Variants in SARNP observed in about 807,000 individuals in gnomAD.
The protein encoded by SARNP is SAP domain-containing ribonucleoprotein.
SARNP carries 5 observed loss-of-function variants against 38.1 expected under a neutral mutation model. That is an observed-to-expected ratio of 0.13 (90% CI 0.07 to 0.28). The LOEUF is 0.28. Among genes scored for constraint, SARNP ranks in the 10% least tolerant of loss-of-function variants. The probability of loss-of-function intolerance (pLI) is 1.00; values close to 1 mark genes in which losing one functional copy is unlikely to be tolerated. For synonymous variants in SARNP, 84 were observed against 80.6 expected (o/e 1.04, Z -0.23); for missense variants, 180 against 243.9 (o/e 0.74, Z 1.75).
At chr12:55,813,485 G>T (rs1049109970) in intron 1 of SARNP, among the ~76,000 whole-genome samples, 2 of 151,960 alleles carry the variant, frequency 1.3e-5, no homozygotes, top group Admixed American at 1.3e-4. Context: ...GAGGTAAGAG[G>T]GAGAAGCAGT....
chr12:55,774,982 G>A (rs538996211), intron 9 of SARNP, among the ~76,000 whole-genome samples: 1 of 149,672 alleles, frequency 6.7e-6, no homozygotes, highest in Admixed American at 6.7e-5. Context: ...CACCTCCCAG[G>A]TTTAAGCCAT....
intron 9 of SARNP, 52 bp from the exon 10 acceptor site, chr12:55,760,692 G>C (rs1878648767): frequency 1.7e-6 from 2 of 1,208,354 alleles, no homozygotes; most frequent in African/African-American, 3.0e-5. Context: ...CATTCACCAA[G>C]TAAATGGGAA....
At chr12:55,780,237 G>A (rs956161837) in intron 9 of SARNP, among the ~76,000 whole-genome samples, 2 of 152,116 alleles carry the variant, frequency 1.3e-5, no homozygotes, top group African/African-American at 2.4e-5. Context: ...TAGATCACAA[G>A]GTCAGGAGTT....
At chr12:55,798,524 G>C (rs1398599400) in intron 4 of SARNP, among the ~76,000 whole-genome samples, 1 of 152,008 alleles carries the variant, frequency 6.6e-6, no homozygotes, top group Non-Finnish European at 1.5e-5. Context: ...AGGGATATTT[G>C]ACAAAAATCT....
intron 9 of SARNP, among the ~76,000 whole-genome samples, chr12:55,764,768 G>T (rs937339943): frequency 6.7e-6 from 1 of 148,264 alleles, no homozygotes; most frequent in Admixed American, 6.8e-5. Context: ...AGAGGCGGAG[G>T]TTGCAGGGAG....
At chr12:55,807,362 T>C (rs1186142304) in intron 1 of SARNP, among the ~76,000 whole-genome samples, 4 of 152,156 alleles carry the variant, frequency 2.6e-5, no homozygotes, top group Non-Finnish European at 4.4e-5. Flanking sequence ...ATAAGTGATC[T>C]TTAATGTCCA....
At chr12:55,813,383 T>G (rs776322572) in intron 1 of SARNP, among the ~76,000 whole-genome samples, 34 of 152,062 alleles carry the variant, frequency 2.2e-4, no homozygotes, top group Non-Finnish European at 4.6e-4. Flanking sequence ...GGTGTAGTAA[T>G]TAATTAGATA....
At chr12:55,793,783 T>C (rs1879743274) in intron 7 of SARNP, 1 of 152,706 alleles carries the variant, frequency 6.5e-6, no homozygotes, top group African/African-American at 2.4e-5. Flanking sequence ...CTTTTTTCAT[T>C]AATATCTCTG....
At chr12:55,792,481 C>T (rs1399451832) in intron 7 of SARNP, 2 of 152,208 alleles carry the variant, frequency 1.3e-5, no homozygotes, top group Non-Finnish European at 1.5e-5. Context: ...AAGCACTTCT[C>T]CTGCCTCAGC....
intron 1 of SARNP, among the ~76,000 whole-genome samples, chr12:55,806,814 A>G (rs974947830): frequency 2.0e-5 from 3 of 152,250 alleles, no homozygotes; most frequent in Non-Finnish European, 4.4e-5. Context: ...TTGGGATTAC[A>G]GGCATGAGCC....
At chr12:55,793,592 C>G (rs1879736303) in intron 7 of SARNP, 1 of 150,972 alleles carries the variant, frequency 6.6e-6, no homozygotes, top group Admixed American at 6.6e-5. Flanking sequence ...TTATGGTGAA[C>G]CCTCAGATAC....
chr12:55,768,993 AG>A (rs1358486790), intron 9 of SARNP, among the ~76,000 whole-genome samples: 3 of 152,226 alleles, frequency 2.0e-5, no homozygotes, highest in Non-Finnish European at 4.4e-5. Flanking sequence ...CTGGGATTAC[AG>A]GTGTGAGCCA....
intron 4 of SARNP, 54 bp from the exon 5 acceptor site, chr12:55,796,130 C>T: frequency 7.9e-7 from 1 of 1,260,310 alleles, no homozygotes; most frequent in South Asian, 1.2e-5. Context: ...TAAACCACAA[C>T]CTCAGAAATG....
chr12:55,800,978 C>A, intron 2 of SARNP, 78 bp from the exon 3 acceptor site: 1 of 1,241,360 alleles, frequency 8.1e-7, no homozygotes, highest in South Asian at 1.2e-5. Context: ...AAATTATAAT[C>A]ACTTTGCTTT....
intron 9 of SARNP, among the ~76,000 whole-genome samples, chr12:55,761,189 A>G (rs1272361681): frequency 6.6e-6 from 1 of 152,056 alleles, no homozygotes; most frequent in Non-Finnish European, 1.5e-5. Context: ...AAAAAAAATA[A>G]TAAATAAAAT....
At chr12:55,778,942 G>C (rs1227595793) in intron 9 of SARNP, among the ~76,000 whole-genome samples, 2 of 152,202 alleles carry the variant, frequency 1.3e-5, no homozygotes, top group African/African-American at 4.8e-5. Context: ...TTGCACTCCA[G>C]CCTGGGCGAC....
At chr12:55,798,801 T>C (rs991889919) in intron 4 of SARNP, among the ~76,000 whole-genome samples, 3 of 152,204 alleles carry the variant, frequency 2.0e-5, no homozygotes, top group African/African-American at 7.2e-5. Context: ...TGAGAGTCTA[T>C]TACACTAGTC....
chr12:55,808,349 A>C (rs1486118015), intron 1 of SARNP, among the ~76,000 whole-genome samples: 1 of 149,544 alleles, frequency 6.7e-6, no homozygotes, highest in Non-Finnish European at 1.5e-5. Flanking sequence ...ATGGAGTTTC[A>C]CTCTTGCTGC....
At chr12:55,758,905 C>CTTTT (rs1161845803) in intron 10 of SARNP, among the ~76,000 whole-genome samples, 1 of 136,650 alleles carries the variant, frequency 7.3e-6, no homozygotes, top group Non-Finnish European at 1.6e-5. Flanking sequence ...GCCTAATATA[C>CTTTT]TTTTTTTTTT....
Sources: allele counts gnomAD v4.1 joint callset (sites outside exome capture counted in the v4.1 genomes callset), GRCh38; gene constraint gnomAD v4.1.1; transcripts MANE v1.5; gene names NCBI Gene and HGNC (gene_info 2026-07-23, HGNC 2026-07-21).